ZNF804B: variants seen among roughly 807,000 people sequenced by gnomAD.
ZNF804B encodes the protein zinc finger 804B.
ZNF804B carries 80 observed loss-of-function variants against 101.4 expected under a neutral mutation model. That is an observed-to-expected ratio of 0.79 (90% CI 0.66 to 0.95). ZNF804B has a LOEUF of 0.95. ZNF804B is among the 40% of genes least tolerant of loss of function. The pLI, the probability that ZNF804B is intolerant of heterozygous loss-of-function variation, is 0.00. For synonymous variants in ZNF804B, 622 were observed against 558.8 expected, an observed-to-expected ratio of 1.11 and a Z score of -1.59; for missense variants, 1,673 against 1,561.9, an observed-to-expected ratio of 1.07 and a Z score of -1.20.
At chr7:89,173,375 A>G (rs571258430) in intron 1 of ZNF804B, among the ~76,000 whole-genome samples, 18 of 152,118 alleles carry the variant, frequency 1.2e-4, no homozygotes, top group African/African-American at 4.1e-4. Context: ...AGAATATCAC[A>G]TAAGTATGAA....
At chr7:89,281,118 G>T (rs1207237044) in intron 2 of ZNF804B, among the ~76,000 whole-genome samples, 1 of 152,158 alleles carries the variant, frequency 6.6e-6, no homozygotes, top group South Asian at 2.1e-4. Context: ...GATTTATATT[G>T]TGGAATGCAT....
At chr7:89,201,927 C>G (rs1788646089) in intron 1 of ZNF804B, among the ~76,000 whole-genome samples, 1 of 151,964 alleles carries the variant, frequency 6.6e-6, no homozygotes, top group Non-Finnish European at 1.5e-5. Context: ...ACCTGTGTTC[C>G]AGAGCAGCAT....
chr7:89,310,723 G>A (rs1006152991), intron 2 of ZNF804B, among the ~76,000 whole-genome samples: 1 of 152,298 alleles, frequency 6.6e-6, no homozygotes, highest in African/African-American at 2.4e-5. Context: ...TCAATAAAAT[G>A]TTAGGTTGTA....
At chr7:88,899,185 C>T (rs966604628) in intron 1 of ZNF804B, among the ~76,000 whole-genome samples, 1 of 152,150 alleles carries the variant, frequency 6.6e-6, no homozygotes, top group East Asian at 1.9e-4. Flanking sequence ...CAGAGAAATT[C>T]CGCATTCTTT....
intron 1 of ZNF804B, among the ~76,000 whole-genome samples, chr7:88,929,836 A>G (rs981956485): frequency 6.6e-6 from 1 of 151,960 alleles, no homozygotes; most frequent in African/African-American, 2.4e-5. Context: ...TTTAGTTTAT[A>G]AAAAATCCAA....
intron 1 of ZNF804B, among the ~76,000 whole-genome samples, chr7:88,944,072 A>C (rs1793092640): frequency 6.6e-6 from 1 of 151,976 alleles, no homozygotes; most frequent in South Asian, 2.1e-4. Context: ...TTTACAAATA[A>C]ATTTGTGTGT....
At chr7:88,958,256 T>C (rs1313041976) in intron 1 of ZNF804B, among the ~76,000 whole-genome samples, 2 of 151,558 alleles carry the variant, frequency 1.3e-5, no homozygotes, top group Admixed American at 6.6e-5. Flanking sequence ...TTTTATTTTA[T>C]AAATTCAATG....
chr7:89,218,129 C>A (rs1415637658), intron 1 of ZNF804B, 26 bp from the exon 2 acceptor site: 10 of 1,592,480 alleles, frequency 6.3e-6, no homozygotes, highest in Non-Finnish European at 8.5e-6. Context: ...GAAGTCTAAC[C>A]AACATTTATG....
intron 1 of ZNF804B, among the ~76,000 whole-genome samples, chr7:89,176,044 C>T (rs1459139390): frequency 1.3e-5 from 2 of 151,922 alleles, no homozygotes; most frequent in Admixed American, 1.3e-4. Flanking sequence ...TGGAGGCTCT[C>T]AATTTCTTTC....
Position 89,058,219 on chromosome 7 carries a change from G to A in ZNF804B, c.109-159936G>A, listed in dbSNP as rs115435575. 3.1e-3 allele frequency among the ~76,000 whole-genome samples: 477 copies of A among 152,154 alleles called. 8 individuals are homozygous for A. The highest frequency in any genetic ancestry group is 0.011 in the African/African-American group (456 of 41,524). On this transcript the variant is annotated intron_variant, in intron 1 of 3. Coordinates refer to ENST00000333190, the MANE Select transcript of ZNF804B (RefSeq NM_181646.5). ...AGATCTGCAAATAAAATAATGTGTT[G>A]AAATATGGGGATATTTTGAAACTGC...
At chr7:89,324,861 G>T (rs1790875478) in intron 2 of ZNF804B, among the ~76,000 whole-genome samples, 1 of 151,310 alleles carries the variant, frequency 6.6e-6, no homozygotes, top group African/African-American at 2.4e-5. Flanking sequence ...ATATCCCAGT[G>T]TTTGGTACTA....
chr7:88,813,250 A>G (rs190644820), intron 1 of ZNF804B, among the ~76,000 whole-genome samples: 1 of 151,894 alleles, frequency 6.6e-6, no homozygotes, highest in Non-Finnish European at 1.5e-5. Flanking sequence ...ACACGGTGAA[A>G]CCCTGTCTCT....
chr7:89,300,267 T>A (rs368310234), intron 2 of ZNF804B, among the ~76,000 whole-genome samples: 45 of 151,928 alleles, frequency 3.0e-4, no homozygotes, highest in African/African-American at 1.1e-3. Flanking sequence ...TCTCATCTCT[T>A]ACCTTCCCCT....
At chr7:88,974,752 G>C (rs1360004592) in intron 1 of ZNF804B, among the ~76,000 whole-genome samples, 1 of 151,188 alleles carries the variant, frequency 6.6e-6, no homozygotes, top group East Asian at 2.0e-4. Flanking sequence ...AGGGTAAATT[G>C]GGTATCCATC....
intron 2 of ZNF804B, among the ~76,000 whole-genome samples, chr7:89,270,704 A>G (rs1250668366): frequency 6.6e-6 from 1 of 152,118 alleles, no homozygotes; most frequent in Non-Finnish European, 1.5e-5. Flanking sequence ...ATGAGCATGG[A>G]CTATTTTTCC....
At chr7:88,877,025 TAATATATATATATATATA>T (rs1562820417) in intron 1 of ZNF804B, among the ~76,000 whole-genome samples, 15 of 59,264 alleles carry the variant, frequency 2.5e-4, no homozygotes, top group Non-Finnish European at 3.7e-4. Flanking sequence ...TATATATATA[TAATATATATATATATATA>T]TATATATTTT....
chr7:89,039,572 T>G (rs1788983493), intron 1 of ZNF804B, among the ~76,000 whole-genome samples: 1 of 151,578 alleles, frequency 6.6e-6, no homozygotes, highest in Admixed American at 6.6e-5. Flanking sequence ...ATTCTCACAG[T>G]TTTTTTTGGT....
intron 1 of ZNF804B, among the ~76,000 whole-genome samples, chr7:88,956,564 A>G (rs1793312741): frequency 6.6e-6 from 1 of 151,480 alleles, no homozygotes; most frequent in Non-Finnish European, 1.5e-5. Flanking sequence ...TAATATCTTA[A>G]GTGTTAGAGA....
intron 1 of ZNF804B, among the ~76,000 whole-genome samples, chr7:88,945,932 T>C (rs1793121713): frequency 6.6e-6 from 1 of 152,172 alleles, no homozygotes; most frequent in Admixed American, 6.6e-5. Context: ...TTTTTGCACA[T>C]TGATTTTGTA....
Sources: gnomAD v4.1 joint callset for allele counts (sites outside exome capture counted in the v4.1 genomes callset) on GRCh38, gnomAD v4.1.1 for gene constraint, MANE v1.5 for transcripts, NCBI Gene and HGNC (gene_info 2026-07-23, HGNC 2026-07-21) for gene names.